CT45A1: variants seen among roughly 807,000 people sequenced by gnomAD.
The protein encoded by CT45A1 is cancer/testis antigen family 45 member A1, also known as cancer/testis antigen 45-1.
chrX:135,713,471 C>A, upstream of CT45A1: 2 of 345,268 alleles, frequency 5.8e-6, no homozygotes, highest in Non-Finnish European at 6.9e-6. Flanking sequence ...GCTGGGCCAG[C>A]ACACTGTGGC....
chrX:135,716,312 T>C (rs1255767992), intron 1 of CT45A1, among the ~76,000 whole-genome samples: 2 of 111,651 alleles, frequency 1.8e-5, no homozygotes, highest in African/African-American at 6.5e-5. Context: ...ATTCTAAGTT[T>C]TCTTCTAGAT....
chrX:135,709,663 G>T (rs1556569066), upstream of CT45A1, among the ~76,000 whole-genome samples: 1 of 111,570 alleles, frequency 9.0e-6, no homozygotes, highest in Non-Finnish European at 1.9e-5. Flanking sequence ...CTAAACAATG[G>T]GTACACATGA....
upstream of CT45A1, among the ~76,000 whole-genome samples, chrX:135,711,667 A>C (rs184321874): frequency 2.5e-3 from 283 of 111,789 alleles, 2 homozygotes; most frequent in African/African-American, 8.4e-3. Context: ...ATCCCTTCCA[A>C]ATAATTGTGT....
intron 1 of CT45A1, among the ~76,000 whole-genome samples, chrX:135,717,168 CTT>C (rs1264717370): frequency 1.8e-5 from 2 of 111,768 alleles, no homozygotes; most frequent in African/African-American, 6.5e-5. Context: ...TTCAGAAAAA[CTT>C]TTGTTAACAT....
upstream of CT45A1, among the ~76,000 whole-genome samples, chrX:135,712,179 C>CTTTTTTTTTTT (rs782572662): frequency 8.3e-5 from 4 of 48,423 alleles, no homozygotes; most frequent in African/African-American, 8.7e-5. Flanking sequence ...TTTTTTCTTT[C>CTTTTTTTTTTT]TTTTTTTTTT....
intron 1 of CT45A1, among the ~76,000 whole-genome samples, chrX:135,713,927 G>T (rs1156791343): frequency 9.5e-6 from 1 of 105,818 alleles, no homozygotes; most frequent in Non-Finnish European, 2.0e-5. Flanking sequence ...GAGGCCGGGG[G>T]GCTTTTCTTG....
chrX:135,712,063 A>G (rs1408772413), upstream of CT45A1, among the ~76,000 whole-genome samples: 2 of 109,372 alleles, frequency 1.8e-5, no homozygotes, highest in East Asian at 2.9e-4. Flanking sequence ...CCTAGGTGAC[A>G]GAGCCAGACT....
At chrX:135,715,199 A>T (rs868930515) in intron 1 of CT45A1, among the ~76,000 whole-genome samples, 3 of 82,083 alleles carry the variant, frequency 3.7e-5, no homozygotes, top group Non-Finnish European at 4.8e-5. Flanking sequence ...TGCCATTACT[A>T]TTATATATAT....
chrX:135,713,212 G>T (rs1488009837), upstream of CT45A1, among the ~76,000 whole-genome samples: 1 of 96,170 alleles, frequency 1.0e-5, no homozygotes, highest in African/African-American at 3.9e-5. Context: ...TAATTTTTGT[G>T]TGTGTTTTTT....
rs782344272 is a variant in CT45A1 at position 135,716,125 on chromosome X, G to A, written c.-7+2435G>A. Among the ~76,000 whole-genome samples, 8 of 111,248 alleles carry A rather than the reference G, an allele frequency of 7.2e-5. No individual in the cohort carries two copies. In the South Asian group the frequency reaches 3.0e-3, roughly 42 times the overall value. On this transcript the variant is annotated intron_variant, in intron 1 of 4. Transcript: ENST00000594565. The stretch of plus-strand genomic sequence containing the variant: ...TTCCAAGTCTTTGCTGTTATGAATA[G>A]TGCCGTGATAAACATACGTGTGCAT...
At chrX:135,712,961 C>CT (rs782501725), upstream of CT45A1, among the ~76,000 whole-genome samples, 1 of 72,586 alleles carries the variant, frequency 1.4e-5, no homozygotes, top group African/African-American at 5.1e-5. Context: ...TTCTTTCTTT[C>CT]TTTCTTTCTT....
intron 1 of CT45A1, among the ~76,000 whole-genome samples, chrX:135,715,057 AT>A (rs2087967167): frequency 9.4e-6 from 1 of 105,996 alleles, no homozygotes; most frequent in South Asian, 4.0e-4. Flanking sequence ...AGTATCTTCT[AT>A]AAATCTTTTT....
chrX:135,712,933 CTTTT>C (rs1192137434), upstream of CT45A1, among the ~76,000 whole-genome samples: 6 of 81,918 alleles, frequency 7.3e-5, no homozygotes, highest in African/African-American at 9.5e-5. Flanking sequence ...CTTTTCTTTT[CTTTT>C]TTTCTTTCTT....
At chrX:135,717,812 T>G (rs1556572117) in intron 1 of CT45A1, among the ~76,000 whole-genome samples, 3 of 112,023 alleles carry the variant, frequency 2.7e-5, no homozygotes, top group African/African-American at 9.7e-5. Flanking sequence ...ATTTGCTTAT[T>G]AACTGTAATG....
chrX:135,713,850 C>T (rs1556570333), intron 1 of CT45A1, among the ~76,000 whole-genome samples, 160 bp downstream of exon 1: 2 of 110,677 alleles, frequency 1.8e-5, no homozygotes, highest in African/African-American at 3.3e-5. Flanking sequence ...CTGGGGACAC[C>T]GCCATGGGCG....
intron 1 of CT45A1, among the ~76,000 whole-genome samples, chrX:135,718,693 C>T (rs1556572630): frequency 9.5e-6 from 1 of 105,115 alleles, no homozygotes; most frequent in East Asian, 2.9e-4. Context: ...GCTGCTTATT[C>T]CACAAGCATT....
intron 1 of CT45A1, among the ~76,000 whole-genome samples, chrX:135,715,489 TA>T (rs1485241562): frequency 1.2e-5 from 1 of 80,388 alleles, no homozygotes; most frequent in Non-Finnish European, 2.2e-5. Context: ...ATATAATACT[TA>T]TATGTATATA....
chrX:135,710,870 G>A (rs781968190), upstream of CT45A1, among the ~76,000 whole-genome samples: 4 of 111,772 alleles, frequency 3.6e-5, no homozygotes, highest in African/African-American at 6.5e-5. Context: ...TTTCTCAGAC[G>A]TCCTTGACAG....
chrX:135,712,179 C>CTTTTTTTTTTTTT (rs782572662), upstream of CT45A1, among the ~76,000 whole-genome samples: 127 of 48,382 alleles, frequency 2.6e-3, 3 homozygotes, highest in African/African-American at 4.8e-3. Context: ...TTTTTTCTTT[C>CTTTTTTTTTTTTT]TTTTTTTTTT....
Sources: allele counts gnomAD v4.1 joint callset (sites outside exome capture counted in the v4.1 genomes callset), GRCh38; gene constraint gnomAD v4.1.1; transcripts MANE v1.5; gene names NCBI Gene and HGNC (gene_info 2026-07-23, HGNC 2026-07-21).